The following CEP128 variants were observed in gnomAD, a reference collection of about 807,000 sequenced individuals.
CEP128 encodes centrosomal protein 128.
A neutral mutation model predicts 156.7 loss-of-function variants in CEP128; 132 were observed. That is an observed-to-expected ratio of 0.84 (90% CI 0.73 to 0.97). CEP128 has a LOEUF of 0.97. Among genes scored for constraint, CEP128 ranks in the 50% least tolerant of loss-of-function variants. The pLI is 0.00. For missense variants in CEP128, 1,252 were observed against 1,281.9 expected (o/e 0.98, Z 0.36); for synonymous variants, 469 against 448.9 (o/e 1.04, Z -0.57).
At chr14:80,566,111 T>C (rs1433023470) in intron 20 of CEP128, among the ~76,000 whole-genome samples, 1 of 152,192 alleles carries the variant, frequency 6.6e-6, no homozygotes, top group Non-Finnish European at 1.5e-5. Flanking sequence ...GAGGACTCCC[T>C]ACCATCACTA....
At chr14:80,846,023 G>A (rs1033482758) in intron 9 of CEP128, among the ~76,000 whole-genome samples, 12 of 152,108 alleles carry the variant, frequency 7.9e-5, no homozygotes, top group East Asian at 1.9e-4. Context: ...TTTCATCATC[G>A]TCATAGCATT....
intron 8 of CEP128, among the ~76,000 whole-genome samples, chr14:80,887,065 C>G (rs907527467): frequency 6.6e-6 from 1 of 152,180 alleles, no homozygotes; most frequent in Non-Finnish European, 1.5e-5. Flanking sequence ...ATCAATGCAA[C>G]AAGAAGAGCT....
intron 20 of CEP128, among the ~76,000 whole-genome samples, chr14:80,571,992 C>T (rs1891159584): frequency 6.6e-6 from 1 of 152,178 alleles, no homozygotes; most frequent in Non-Finnish European, 1.5e-5. Context: ...TAATAATTTA[C>T]ATAGATTTAG....
chr14:80,732,568 G>T (rs1335146990), intron 19 of CEP128, among the ~76,000 whole-genome samples: 1 of 150,156 alleles, frequency 6.7e-6, no homozygotes, highest in East Asian at 2.0e-4. Flanking sequence ...TGGATGTGTT[G>T]TAAGTAATTT....
chr14:80,722,111 A>C (rs553605094), intron 19 of CEP128, among the ~76,000 whole-genome samples: 1 of 152,098 alleles, frequency 6.6e-6, no homozygotes, highest in African/African-American at 2.4e-5. Flanking sequence ...GTAAGAGGGC[A>C]TTTTTCTTGT....
intron 24 of CEP128, among the ~76,000 whole-genome samples, chr14:80,504,499 C>T (rs886349518): frequency 3.9e-5 from 6 of 152,182 alleles, no homozygotes; most frequent in Admixed American, 1.3e-4. Context: ...AGAGTGAAAT[C>T]TAGCAGTAAT....
chr14:80,611,436 A>G (rs1317034144), intron 19 of CEP128, among the ~76,000 whole-genome samples: 1 of 152,152 alleles, frequency 6.6e-6, no homozygotes, highest in African/African-American at 2.4e-5. Flanking sequence ...AAATCTAGCA[A>G]GATACCTCAA....
chr14:80,736,131 T>C (rs1259794430), intron 19 of CEP128, among the ~76,000 whole-genome samples: 1 of 152,078 alleles, frequency 6.6e-6, no homozygotes, highest in Non-Finnish European at 1.5e-5. Flanking sequence ...AGACAGATAG[T>C]ACTCATTACA....
At chr14:80,933,853 G>A (rs988771864) in intron 2 of CEP128, among the ~76,000 whole-genome samples, 3 of 152,210 alleles carry the variant, frequency 2.0e-5, no homozygotes, top group Admixed American at 2.0e-4. Context: ...GAAGCACTGT[G>A]TATAAATCAT....
chr14:80,770,491 C>T (rs374277656), intron 16 of CEP128, among the ~76,000 whole-genome samples: 1 of 152,126 alleles, frequency 6.6e-6, no homozygotes, highest in Non-Finnish European at 1.5e-5. Flanking sequence ...GGGAAGCACT[C>T]TGTTATTTCA....
rs542130022 is a variant in CEP128 at position 80,723,073 on chromosome 14, G to A, written c.2806+20002C>T. On this transcript the variant is annotated intron_variant, in intron 19 of 24. Coordinates refer to ENST00000555265, the MANE Select transcript of CEP128 (RefSeq NM_152446.5). ...AATCTCCTGACCTTGTGATCCGCCC[G>A]CCTCGGCCTCCCAAAGTGCTGGTAT... Among the ~76,000 whole-genome samples the A allele has an allele frequency of 3.2e-4, 48 of 151,998 alleles. No individual in the cohort carries two copies. In the South Asian group the frequency reaches 8.3e-3, roughly 26 times the overall value.
At chr14:80,564,991 G>A (rs1482045879) in intron 20 of CEP128, among the ~76,000 whole-genome samples, 3 of 152,108 alleles carry the variant, frequency 2.0e-5, no homozygotes, top group African/African-American at 4.8e-5. Context: ...CCCAGGAGGT[G>A]GAGGTTGCAG....
chr14:80,695,775 T>C (rs895350063), intron 19 of CEP128, among the ~76,000 whole-genome samples: 14 of 151,760 alleles, frequency 9.2e-5, no homozygotes, highest in African/African-American at 3.4e-4. Flanking sequence ...TTGGTATTGC[T>C]GGTGGTCAAA....
intron 19 of CEP128, among the ~76,000 whole-genome samples, chr14:80,704,196 T>C (rs1169862241): frequency 6.6e-6 from 1 of 152,008 alleles, no homozygotes; most frequent in Non-Finnish European, 1.5e-5. Context: ...TAGTCCTAGA[T>C]CATTAGAAGA....
chr14:80,900,172 G>A (rs747474074), intron 6 of CEP128, 143 bp from the exon 7 acceptor site: 30 of 527,706 alleles, frequency 5.7e-5, no homozygotes, highest in Non-Finnish European at 7.4e-5. Flanking sequence ...CACCTACTCT[G>A]AAAGAAAAAA....
At chr14:80,674,071 A>AG (rs1193996069) in intron 19 of CEP128, among the ~76,000 whole-genome samples, 1 of 124,170 alleles carries the variant, frequency 8.1e-6, no homozygotes, top group Admixed American at 7.7e-5. Context: ...AATAATTCAT[A>AG]GTTTTTTTTT....
intron 19 of CEP128, among the ~76,000 whole-genome samples, chr14:80,696,988 T>C (rs117494397): frequency 0.011 from 1,706 of 151,890 alleles, 24 homozygotes; most frequent in Non-Finnish European, 0.014. Flanking sequence ...CCAGAGGAGG[T>C]TAAGAGGTAA....
At chr14:80,659,348 T>C (rs375046294) in intron 19 of CEP128, among the ~76,000 whole-genome samples, 2 of 152,184 alleles carry the variant, frequency 1.3e-5, no homozygotes, top group East Asian at 1.9e-4. Flanking sequence ...TTAAAATTCA[T>C]CCTTATTACC....
intron 1 of CEP128, among the ~76,000 whole-genome samples, chr14:80,959,163 C>A (rs1474541852): frequency 6.6e-6 from 1 of 152,070 alleles, no homozygotes; most frequent in African/African-American, 2.4e-5. Flanking sequence ...TTCCTCACTC[C>A]TCCCCTCCAG....
Sources: allele counts gnomAD v4.1 joint callset (sites outside exome capture counted in the v4.1 genomes callset), GRCh38; gene constraint gnomAD v4.1.1; transcripts MANE v1.5; gene names NCBI Gene and HGNC (gene_info 2026-07-23, HGNC 2026-07-21).